ADCY8: variants seen among roughly 807,000 people sequenced by gnomAD.
ADCY8 encodes the protein adenylate cyclase 8.
A neutral mutation model predicts 119.7 loss-of-function variants in ADCY8; 51 were observed. The ratio of observed to expected loss-of-function variants is 0.43; its 90% CI spans 0.34 to 0.54. The LOEUF (loss-of-function observed/expected upper bound fraction) is 0.54. ADCY8 is among the 20% of genes least tolerant of loss of function. ADCY8 has a pLI of 0.03. For missense variants in ADCY8, 1,383 were observed against 1,598.8 expected (o/e 0.87, Z 2.30); for synonymous variants, 665 against 651.0 (o/e 1.02, Z -0.33).
At chr8:130,855,899 C>T (rs1008640156) in intron 9 of ADCY8, among the ~76,000 whole-genome samples, 1 of 152,128 alleles carries the variant, frequency 6.6e-6, no homozygotes, top group Non-Finnish European at 1.5e-5. Context: ...TCACTCCCAC[C>T]TCTCCATCAT....
chr8:130,859,537 C>T (rs574869726), intron 9 of ADCY8, among the ~76,000 whole-genome samples: 1 of 152,306 alleles, frequency 6.6e-6, no homozygotes, highest in Non-Finnish European at 1.5e-5. Context: ...CTACTTAGTA[C>T]ACCATTTTAC....
intron 14 of ADCY8, among the ~76,000 whole-genome samples, chr8:130,811,817 G>C (rs556425611): frequency 6.6e-6 from 1 of 152,126 alleles, no homozygotes; most frequent in Admixed American, 6.5e-5. Context: ...CTCCTAACAC[G>C]AAACCCAAAG....
chr8:131,000,473 A>C (rs1432624456), intron 1 of ADCY8, among the ~76,000 whole-genome samples: 1 of 152,200 alleles, frequency 6.6e-6, no homozygotes, highest in Non-Finnish European at 1.5e-5. Flanking sequence ...AGAACACTTA[A>C]TATGTGCCAG....
intron 10 of ADCY8, 89 bp from the exon 11 acceptor site, chr8:130,847,602 C>T: frequency 9.1e-7 from 1 of 1,094,188 alleles, no homozygotes. Context: ...GAGCAGTGTG[C>T]TATCAGTGGC....
At chr8:131,012,509 G>A (rs1376643494) in intron 1 of ADCY8, among the ~76,000 whole-genome samples, 1 of 152,216 alleles carries the variant, frequency 6.6e-6, no homozygotes, top group Non-Finnish European at 1.5e-5. Flanking sequence ...ACAGTATGAA[G>A]AAGTGGATCC....
rs74967808 is a variant in ADCY8, at chr8:130,861,694, T to C, written c.2210+6152A>G. Among the ~76,000 whole-genome samples the C allele has an allele frequency of 7.8e-3, 1,186 of 152,286 alleles. 17 individuals are homozygous for C. Among genetic ancestry groups the C allele is most frequent in the African/African-American group, 0.027 (1,113 of 41,578 alleles). On this transcript the variant is annotated intron_variant, in intron 9 of 17. Coordinates refer to ENST00000286355, the MANE Select transcript of ADCY8 (RefSeq NM_001115.3). ...CTTTTTGTTGTTTTGTTTCAATAGC[T>C]AGGACTTCCAACATGATATTAAATA...
Position 131,040,409 on chromosome 8 carries a change from C to A in ADCY8, c.-76G>T, listed in dbSNP as rs556389883. The A allele has an allele frequency of 1.4e-6, 2 of 1,403,358 alleles. No individual in the cohort carries two copies. The highest frequency in any genetic ancestry group is 1.8e-6 in the Non-Finnish European group (2 of 1,084,462). The allele number at this position is 1,403,358 out of a possible 1,614,324, so 86.9% of individuals were successfully genotyped here. ...GGAGGGGTTCCTAAAGACTCAAAGG[C>A]GGCCTGGTAGGAGCTTGGCAAGGAT... On this transcript the variant is annotated 5_prime_UTR_variant, in exon 1 of 18. Transcript: ENST00000286355.
intron 9 of ADCY8, among the ~76,000 whole-genome samples, chr8:130,860,800 C>T (rs1817902103): frequency 6.6e-6 from 1 of 152,036 alleles, no homozygotes; most frequent in Admixed American, 6.6e-5. Context: ...TTGCCCCCCA[C>T]CCCCAACAGG....
At chr8:131,006,428 C>T (rs1823120491) in intron 1 of ADCY8, among the ~76,000 whole-genome samples, 1 of 152,116 alleles carries the variant, frequency 6.6e-6, no homozygotes, top group Non-Finnish European at 1.5e-5. Flanking sequence ...ATCATATGCC[C>T]TTATCAAGAG....
At chr8:130,781,427 C>T (rs539703615) in intron 17 of ADCY8, among the ~76,000 whole-genome samples, 12 of 152,292 alleles carry the variant, frequency 7.9e-5, no homozygotes, top group Non-Finnish European at 1.2e-4. Flanking sequence ...GCTGCAGGAG[C>T]GGGAGGGCTC....
At chr8:130,933,799 T>G (rs1820704150) in intron 5 of ADCY8, among the ~76,000 whole-genome samples, 1 of 152,232 alleles carries the variant, frequency 6.6e-6, no homozygotes, top group Non-Finnish European at 1.5e-5. Flanking sequence ...TGCTCATTTA[T>G]TTTCCAATGT....
At chr8:131,007,564 C>A (rs149739429) in intron 1 of ADCY8, among the ~76,000 whole-genome samples, 1 of 152,138 alleles carries the variant, frequency 6.6e-6, no homozygotes, top group East Asian at 1.9e-4. Flanking sequence ...GAGAAACCTC[C>A]TAGAGCTTAG....
chr8:130,964,862 C>T (rs941695785), intron 2 of ADCY8, among the ~76,000 whole-genome samples: 1 of 152,124 alleles, frequency 6.6e-6, no homozygotes, highest in Admixed American at 6.5e-5. Flanking sequence ...TAATAATAGC[C>T]ATTCTTACTC....
rs556108241 is a variant in ADCY8, at chr8:131,029,127, A to T, written c.960+10247T>A. Reference sequence around the variant, plus strand: ...GCCAGTGGTGGCATTAGATTCTCATAGGAGTTCAAACCCTATTGTGAACTG... The same window carrying T: ...GCCAGTGGTGGCATTAGATTCTCATTGGAGTTCAAACCCTATTGTGAACTG... On this transcript the variant is annotated intron_variant, in intron 1 of 17. Coordinates refer to ENST00000286355, the MANE Select transcript of ADCY8 (RefSeq NM_001115.3). Among the ~76,000 whole-genome samples the T allele has an allele frequency of 1.1e-4, 16 of 152,322 alleles. No individual in the cohort carries two copies. In the South Asian group the frequency reaches 3.1e-3, roughly 30 times the overall value.
chr8:130,868,014 A>G, intron 8 of ADCY8, 68 bp from the exon 9 acceptor site: 2 of 999,658 alleles, frequency 2.0e-6, no homozygotes, highest in Non-Finnish European at 3.0e-6. Flanking sequence ...TGAGGGAAAC[A>G]TCAAGAAGAA....
intron 17 of ADCY8, among the ~76,000 whole-genome samples, chr8:130,783,066 T>A (rs1206617755): frequency 6.6e-6 from 1 of 152,188 alleles, no homozygotes; most frequent in African/African-American, 2.4e-5. Context: ...AGACCAGGGA[T>A]ATTCAGACTG....
At chr8:130,887,620 T>C (rs1200971803) in intron 7 of ADCY8, among the ~76,000 whole-genome samples, 1 of 152,106 alleles carries the variant, frequency 6.6e-6, no homozygotes, top group Non-Finnish European at 1.5e-5. Context: ...CTTAGGAGTA[T>C]ATGTGCTTAA....
At chr8:130,886,002 C>A (rs1470934993) in intron 7 of ADCY8, among the ~76,000 whole-genome samples, 1 of 151,988 alleles carries the variant, frequency 6.6e-6, no homozygotes, top group African/African-American at 2.4e-5. Context: ...TGCCGCCAAG[C>A]CAGATCTGCT....
chr8:130,946,611 C>T (rs1050160715), intron 3 of ADCY8, among the ~76,000 whole-genome samples: 1 of 152,180 alleles, frequency 6.6e-6, no homozygotes, highest in African/African-American at 2.4e-5. Context: ...CTCAATAGCA[C>T]AATCATATGT....
Sources: gnomAD v4.1 joint callset for allele counts (sites outside exome capture counted in the v4.1 genomes callset) on GRCh38, gnomAD v4.1.1 for gene constraint, MANE v1.5 for transcripts, NCBI Gene and HGNC (gene_info 2026-07-23, HGNC 2026-07-21) for gene names.